Variants in TTLL8 observed in about 807,000 individuals in gnomAD.
TTLL8 encodes protein monoglycylase TTLL8.
Under a neutral mutation model 77.8 loss-of-function variants are expected in TTLL8, and 65 were observed. The observed-to-expected ratio is 0.84, with a 90% CI of 0.68 to 1.03. TTLL8 has a LOEUF of 1.03. Among genes scored for constraint, TTLL8 ranks in the 50% least tolerant of loss-of-function variants. TTLL8 has a pLI of 0.00. For synonymous variants in TTLL8, 402 were observed against 422.8 expected, an observed-to-expected ratio of 0.95 and a Z score of 0.60; for missense variants, 910 against 1,004.5, an observed-to-expected ratio of 0.91 and a Z score of 1.27.
At chr22:50,023,640 G>T (rs768939294) in intron 12 of TTLL8, among the ~76,000 whole-genome samples, 1 of 151,786 alleles carries the variant, frequency 6.6e-6, no homozygotes, top group Non-Finnish European at 1.5e-5. Flanking sequence ...AGCCAAGATC[G>T]CACCGCTGCA....
At position 50,031,069 on chromosome 22, in the gene TTLL8, G is replaced by A. The variant is rs1239471993; in HGVS notation, c.1708-144C>T. 2.8e-5 allele frequency: 20 copies of A among 723,942 alleles called. 1 individual carries two copies. In the South Asian group the frequency reaches 2.9e-4, roughly 11 times the overall value. The allele number at this position is 723,942 out of a possible 1,614,324, so 44.8% of individuals were successfully genotyped here. A position where few individuals can be genotyped will look rare whatever the true frequency, so the allele number is the denominator to read the frequency against. On this transcript the variant is annotated intron_variant, in intron 11 of 13. Transcript: ENST00000266182. The stretch of plus-strand genomic sequence containing the variant: ...GAACAGTGAACACCTGGGGTCCCAC[G>A]CAGACCCCCAGGAGGCCCCCAGGCT...
chr22:50,031,562 T>C, intron 11 of TTLL8, 124 bp downstream of exon 12: 1 of 1,187,102 alleles, frequency 8.4e-7, no homozygotes, highest in South Asian at 1.5e-5. Flanking sequence ...CAGAGCAGGA[T>C]CGGTGTCCTC....
chr22:50,045,943 G>T (rs779276878), exon 5 of TTLL8: 1 of 1,360,206 alleles, frequency 7.4e-7, no homozygotes. Flanking sequence ...TACCAGGGCA[G>T]GCTCCGCATG....
intron 12 of TTLL8, among the ~76,000 whole-genome samples, chr22:50,023,975 A>G (rs1239928110): frequency 6.6e-6 from 1 of 151,648 alleles, no homozygotes; most frequent in Non-Finnish European, 1.5e-5. Context: ...AGCTGAGATC[A>G]TGTCACTGCA....
chr22:50,023,536 T>A (rs1894042250), intron 12 of TTLL8, among the ~76,000 whole-genome samples: 1 of 151,176 alleles, frequency 6.6e-6, no homozygotes, highest in Admixed American at 6.6e-5. Flanking sequence ...TACAAAAAAA[T>A]TAGCTGGGCG....
At chr22:50,033,144 C>G (rs1467062601) in intron 10 of TTLL8, 58 bp downstream of exon 11, 1 of 1,286,462 alleles carries the variant, frequency 7.8e-7, no homozygotes, top group Non-Finnish European at 1.0e-6. Context: ...CTGCTCCAGG[C>G]ATGCAGGCAG....
chr22:50,030,099 C>G, intron 12 of TTLL8: 1 of 907,030 alleles, frequency 1.1e-6, no homozygotes, highest in Non-Finnish European at 1.3e-6. Flanking sequence ...CGGCGCTGTT[C>G]AAGGTCCTAA....
chr22:50,049,713 G>A (rs1052992521), intron 2 of TTLL8, among the ~76,000 whole-genome samples: 3 of 152,166 alleles, frequency 2.0e-5, no homozygotes, highest in African/African-American at 7.2e-5. Context: ...GTCTCAATGG[G>A]GCCAAGAGGA....
chr22:50,031,795 G>A (rs759605055), exon 11 of TTLL8: 10 of 1,366,672 alleles, frequency 7.3e-6, no homozygotes, highest in East Asian at 9.1e-5. Flanking sequence ...CGGCGTGGAC[G>A]GGTGCATGGT....
At chr22:50,055,280 A>C, upstream of TTLL8, 1 of 1,290,114 alleles carries the variant, frequency 7.8e-7, no homozygotes, top group Middle Eastern at 2.1e-4. Context: ...GTATCTGTCT[A>C]ATCTGGAGGA....
At chr22:50,056,002 G>A (rs913193798), upstream of TTLL8, among the ~76,000 whole-genome samples, 11 of 152,180 alleles carry the variant, frequency 7.2e-5, no homozygotes, top group Non-Finnish European at 1.5e-4. This position sits in a 1 kb window ranked among gnomAD's most constrained non-coding sequence, Gnocchi z 4.1. Context: ...CTGTAAAGCT[G>A]GCCACGACCC....
At chr22:50,020,720 CGATGTGCACTCCATCTGAT>C (rs2061191083) in intron 12 of TTLL8, among the ~76,000 whole-genome samples, 1 of 145,088 alleles carries the variant, frequency 6.9e-6, no homozygotes, top group African/African-American at 2.6e-5. Context: ...CTCCATCTGA[CGATGTGCACTCCATCTGAT>C]GTGCATTCCT....
chr22:50,023,802 C>T (rs556392729), intron 12 of TTLL8, among the ~76,000 whole-genome samples: 6 of 152,228 alleles, frequency 3.9e-5, no homozygotes, highest in East Asian at 1.9e-4. Context: ...GGGCAGATCA[C>T]GAGGTCAGGA....
intron 5 of TTLL8, 106 bp downstream of exon 7, chr22:50,045,750 C>G: frequency 8.1e-7 from 1 of 1,233,750 alleles, no homozygotes; most frequent in Non-Finnish European, 1.0e-6. Context: ...CTCCCCGGTC[C>G]TCTATCCTCA....
chr22:50,055,281 A>C, upstream of TTLL8: 1 of 1,290,098 alleles, frequency 7.8e-7, no homozygotes, highest in Non-Finnish European at 1.0e-6. Flanking sequence ...TATCTGTCTA[A>C]TCTGGAGGAA....
rs537930600 is a variant in TTLL8 at position 50,034,110 on chromosome 22, A to G, written c.1039+235T>C. Among the ~76,000 whole-genome samples, 1 of 152,344 alleles carries G rather than the reference A, an allele frequency of 6.6e-6. No homozygotes were observed. The highest frequency in any genetic ancestry group is 2.4e-5 in the African/African-American group (1 of 41,574). ...GACCAGTTTGTGAATACAAAGGAGGAAATCCTGATTAACCCATCAACCCGG... is the reference window on the plus strand; with the variant it reads ...GACCAGTTTGTGAATACAAAGGAGGGAATCCTGATTAACCCATCAACCCGG... On this transcript the variant is annotated intron_variant, in intron 9 of 13. Coordinates refer to ENST00000266182, the Ensembl canonical transcript of TTLL8. The surrounding 1 kb of genome is among the most constrained non-coding windows in gnomAD (Gnocchi z 4.1).
intron 12 of TTLL8, among the ~76,000 whole-genome samples, chr22:50,026,972 G>C (rs1012685746): frequency 6.6e-6 from 1 of 152,306 alleles, no homozygotes; most frequent in Middle Eastern, 3.4e-3. Context: ...GGTGGCTCAC[G>C]CCTGTAATCC....
Position 50,041,900 on chromosome 22 carries a change from G to T in TTLL8, c.644-93C>A. On this transcript the variant is annotated intron_variant, in intron 6 of 13. Transcript: ENST00000266182. This position sits in a 1 kb window ranked among gnomAD's most constrained non-coding sequence, Gnocchi z 4.3. ...GTGATGTCTAAAGTCATGGACAAAG[G>T]CTGCTCCACTCCCTCTGTGCCCCAA... is the stretch of plus-strand genomic sequence containing the variant. 1 of 1,119,464 alleles carries T rather than the reference G, an allele frequency of 8.9e-7. No individual in the cohort carries two copies. Among genetic ancestry groups the T allele is most frequent in the Non-Finnish European group, 1.2e-6 (1 of 857,714 alleles). The allele number at this position is 1,119,464 out of a possible 1,614,324, so 69.3% of individuals were successfully genotyped here.
intron 12 of TTLL8, among the ~76,000 whole-genome samples, chr22:50,024,788 C>T (rs2061222380): frequency 6.6e-6 from 1 of 152,180 alleles, no homozygotes; most frequent in Middle Eastern, 3.2e-3. Flanking sequence ...ACCAGGAGAC[C>T]TGTGGGGCTC....
Sources: gnomAD v4.1 joint callset for allele counts (sites outside exome capture counted in the v4.1 genomes callset) on GRCh38, gnomAD v4.1.1 for gene constraint, Gnocchi (gnomAD v3.1) non-coding constraint, MANE v1.5 for transcripts, NCBI Gene and HGNC (gene_info 2026-07-23, HGNC 2026-07-21) for gene names.